Variants in TMCC3 observed in about 807,000 individuals in gnomAD.
TMCC3 encodes transmembrane and coiled-coil domain protein 3.
A neutral mutation model predicts 40.2 loss-of-function variants in TMCC3; 28 were observed. That is an observed-to-expected ratio of 0.70 (90% CI 0.52 to 0.95). The LOEUF (loss-of-function observed/expected upper bound fraction) is 0.95, where lower values mean the gene tolerates loss of function less well. Among genes scored for constraint, TMCC3 ranks in the 40% least tolerant of loss-of-function variants. TMCC3 has a pLI of 0.00. For missense variants in TMCC3, 554 were observed against 615.2 expected, an observed-to-expected ratio of 0.90 and a Z score of 1.05; for synonymous variants, 255 against 248.5, an observed-to-expected ratio of 1.03 and a Z score of -0.25.
chr12:94,613,515 A>T (rs962606438), intron 1 of TMCC3, among the ~76,000 whole-genome samples: 1 of 152,184 alleles, frequency 6.6e-6, no homozygotes, highest in Non-Finnish European at 1.5e-5. Flanking sequence ...CAAAGAACAC[A>T]TACTTTATGA....
At chr12:94,634,105 A>C (rs189987066) in intron 1 of TMCC3, among the ~76,000 whole-genome samples, 3 of 152,006 alleles carry the variant, frequency 2.0e-5, no homozygotes, top group African/African-American at 4.8e-5. Flanking sequence ...CGCCATCACC[A>C]GCTAATGTTT....
intron 1 of TMCC3, among the ~76,000 whole-genome samples, chr12:94,598,051 A>G (rs957664361): frequency 2.8e-4 from 42 of 152,196 alleles, no homozygotes; most frequent in African/African-American, 9.9e-4. Flanking sequence ...AGTTTATCAG[A>G]AAAGAGAAGC....
Position 94,582,450 on chromosome 12 carries a change from T to A in TMCC3, c.167A>T (p.Asp56Val). The A allele has an allele frequency of 6.2e-7, 1 of 1,613,968 alleles. No individual in the cohort carries two copies. The highest frequency in any genetic ancestry group is 1.3e-5 in the African/African-American group (1 of 74,996). The change falls in exon 2 of 4, where the codon GAT becomes GTT. Residue 56 changes from aspartate (D) to valine (V), a missense_variant. Asp to Val is a radical substitution (Grantham distance 152). Transcript: ENST00000261226. ...SDTNLNFDVP[D>V]GILDFHKVKL... is the part of the protein sequence containing the mutation. ...GACCTTGTGGAAGTCCAGGATGCCA[T>A]CCGGGACATCAAAGTTGAGGTTGGT...
At chr12:94,614,413 C>A (rs530372870) in intron 1 of TMCC3, among the ~76,000 whole-genome samples, 25 of 152,186 alleles carry the variant, frequency 1.6e-4, no homozygotes, top group African/African-American at 5.8e-4. Flanking sequence ...AAGTAATCCC[C>A]CTGGAAGCAA....
intron 1 of TMCC3, among the ~76,000 whole-genome samples, chr12:94,617,662 G>A (rs1417034280): frequency 6.6e-6 from 1 of 152,198 alleles, no homozygotes; most frequent in Non-Finnish European, 1.5e-5. Context: ...GAAAAACTAA[G>A]GCCAGACTGT....
At chr12:94,638,783 A>ATGAT (rs2068974108) in intron 1 of TMCC3, among the ~76,000 whole-genome samples, 1 of 152,240 alleles carries the variant, frequency 6.6e-6, no homozygotes, top group African/African-American at 2.4e-5. Context: ...CTTGACAAAG[A>ATGAT]CAGAGAAAAG....
intron 1 of TMCC3, among the ~76,000 whole-genome samples, chr12:94,649,645 A>G (rs1594304577): frequency 1.3e-5 from 2 of 152,156 alleles, no homozygotes; most frequent in Non-Finnish European, 2.9e-5. Flanking sequence ...CCCAGGACAG[A>G]CCCGCGCTTG....
rs1173786865 is a variant in TMCC3 at position 94,568,422 on chromosome 12, T to C, written c.*3013A>G. ...AGCATCTTCAACCACTCAGGAGTGT[T>C]TGCTGAGAGACCAGGTGGTGCTTAC... On this transcript the variant is annotated 3_prime_UTR_variant, in exon 4 of 4. Transcript: ENST00000261226. The C allele has an allele frequency of 6.6e-6, 1 of 152,178 alleles. No homozygotes were observed. Among genetic ancestry groups the C allele is most frequent in the Non-Finnish European group, 1.5e-5 (1 of 68,042 alleles). 9.4% of individuals were successfully genotyped at this position (152,178 alleles called of 1,614,324 possible). A position where few individuals can be genotyped will look rare whatever the true frequency, so the allele number is the denominator to read the frequency against.
In TMCC3 at chr12:94,622,333, G is replaced by A. The variant is rs571602573; in HGVS notation, c.78+28020C>T. Among the ~76,000 whole-genome samples, 152 of 152,160 alleles carry A rather than the reference G, an allele frequency of 1.0e-3. No individual in the cohort carries two copies. In the Middle Eastern group the frequency reaches 0.01, roughly 10 times the overall value. ...TTGCCTCTAATTGGCCCTCCCACAC[G>A]ATCTCACAACATACAGCTATAATCA... On this transcript the variant is annotated intron_variant, in intron 1 of 3. Transcript: ENST00000261226.
chr12:94,583,109 C>T (rs1178301354), intron 1 of TMCC3, among the ~76,000 whole-genome samples: 1 of 142,390 alleles, frequency 7.0e-6, no homozygotes, highest in Non-Finnish European at 1.5e-5. Flanking sequence ...TAATATGGTA[C>T]AAGATTAACT....
chr12:94,625,830 A>T (rs995025116), intron 1 of TMCC3, among the ~76,000 whole-genome samples: 13 of 152,230 alleles, frequency 8.5e-5, no homozygotes, highest in African/African-American at 2.9e-4. Context: ...AACTTCAGTT[A>T]ACATTCATTT....
Position 94,631,389 on chromosome 12 carries a change from TGAGA to T in TMCC3, c.78+18960_78+18963del, listed in dbSNP as rs139813225. Among the ~76,000 whole-genome samples, 1,459 of 152,266 alleles carry T rather than the reference TGAGA, an allele frequency of 9.6e-3. 29 individuals are homozygous for T. Among genetic ancestry groups the T allele is most frequent in the African/African-American group, 0.034 (1,394 of 41,538 alleles). On this transcript the variant is annotated intron_variant, in intron 1 of 3. Coordinates refer to ENST00000261226, the MANE Select transcript of TMCC3 (RefSeq NM_020698.4). ...CTTTAAAGAGGTAATTAGGCTCAAA[TGAGA>T]TCATTAGGGTGGGCCCTAATGCCAT...
chr12:94,648,029 C>T (rs889029899), intron 1 of TMCC3, among the ~76,000 whole-genome samples: 3 of 152,158 alleles, frequency 2.0e-5, no homozygotes, highest in African/African-American at 7.2e-5. Flanking sequence ...TTTGTGATTA[C>T]GGTCTGCTGA....
intron 1 of TMCC3, among the ~76,000 whole-genome samples, chr12:94,604,485 T>C (rs2068770734): frequency 6.6e-6 from 1 of 151,872 alleles, no homozygotes; most frequent in Admixed American, 6.6e-5. Flanking sequence ...GAGGTCACTC[T>C]TGGGGCAGGG....
Position 94,581,858 on chromosome 12 carries a change from A to G in TMCC3, c.759T>C (p.Ser253=). The G allele has an allele frequency of 6.2e-7, 1 of 1,614,108 alleles. No individual in the cohort carries two copies. Among genetic ancestry groups the G allele is most frequent in the Non-Finnish European group, 8.5e-7 (1 of 1,179,964 alleles). ...ATIVNKPKYG[S]DDECSSGTSG... ...ACGTGCCACTCGAACATTCATCATC[A>G]CTGCCATACTTGGGTTTGTTCACGA... Residue 253 remains serine (S), a synonymous_variant, in exon 2 of 4, where the codon AGT becomes AGC. Transcript: ENST00000261226.
rs536825739 is a variant in TMCC3 at position 94,624,880 on chromosome 12, C to G, written c.78+25473G>C. ...AATGGGCCAGGTGCGGTGGCTCATGCCTGTAATCCCAGCACTTTGGGAGGC... is the reference window on the plus strand; with the variant it reads ...AATGGGCCAGGTGCGGTGGCTCATGGCTGTAATCCCAGCACTTTGGGAGGC... On this transcript the variant is annotated intron_variant, in intron 1 of 3. Transcript: ENST00000261226. Among the ~76,000 whole-genome samples, 3 of 152,186 alleles carry G rather than the reference C, an allele frequency of 2.0e-5. No individual in the cohort carries two copies. In the East Asian group the frequency reaches 5.8e-4, roughly 29 times the overall value.
Position 94,650,373 on chromosome 12 carries a change from G to A in TMCC3, c.58C>T (p.His20Tyr), listed in dbSNP as rs1170735502. The change falls in exon 1 of 4, where the codon CAC becomes TAC. Residue 20 changes from histidine (H) to tyrosine (Y), a missense_variant. His to Tyr is a moderately conservative substitution (Grantham distance 83). Coordinates refer to ENST00000261226, the MANE Select transcript of TMCC3 (RefSeq NM_020698.4). ...CTCACCCGGCTCTTGCAGCGGTGGTGCCGGCCGGGGTACGAGTAGGTCCGG... is the reference window on the plus strand; with the variant it reads ...CTCACCCGGCTCTTGCAGCGGTGGTACCGGCCGGGGTACGAGTAGGTCCGG... ...VDRTYSYPGR[H>Y]HRCKSRVERH... The A allele has an allele frequency of 1.3e-5, 18 of 1,340,948 alleles. No homozygotes were observed. In the East Asian group the frequency reaches 4.9e-4, roughly 37 times the overall value. The allele number at this position is 1,340,948 out of a possible 1,614,324, so 83.1% of individuals were successfully genotyped here.
In TMCC3 at chr12:94,582,322, G is replaced by A; in HGVS notation, c.295C>T (p.Leu99=). 6.2e-7 allele frequency: 1 copy of A among 1,613,940 alleles called. No individual in the cohort carries two copies. Among genetic ancestry groups the A allele is most frequent in the Non-Finnish European group, 8.5e-7 (1 of 1,180,004 alleles). The change falls in exon 2 of 4, where the codon CTA becomes TTA. Residue 99 remains leucine, a synonymous_variant. Coordinates refer to ENST00000261226, the MANE Select transcript of TMCC3 (RefSeq NM_020698.4). The part of the protein sequence containing the change: ...RDGNVAEYLK[L]VNNADKQQAG... ...TGCTGCTTGTCTGCGTTGTTCACTA[G>A]TTTCAGATACTCCGCAACATTCCCA...
chr12:94,649,498 C>T (rs1337745193), intron 1 of TMCC3, among the ~76,000 whole-genome samples: 1 of 152,204 alleles, frequency 6.6e-6, no homozygotes, highest in Admixed American at 6.5e-5. Context: ...CAGATGCCAG[C>T]GTGGAGGAGG....
Sources: gnomAD v4.1 joint callset for allele counts (sites outside exome capture counted in the v4.1 genomes callset) on GRCh38, gnomAD v4.1.1 for gene constraint, MANE v1.5 for transcripts, NCBI Gene and HGNC (gene_info 2026-07-23, HGNC 2026-07-21) for gene names.